GRIN2A: variants seen among roughly 807,000 people sequenced by gnomAD.
GRIN2A encodes glutamate ionotropic receptor NMDA type subunit 2A.
In GRIN2A, 22 loss-of-function variants were observed where a neutral mutation model predicts 113.4. The ratio of observed to expected loss-of-function variants is 0.19; its 90% CI spans 0.14 to 0.28. GRIN2A has a LOEUF of 0.28. Among genes scored for constraint, GRIN2A ranks in the 10% least tolerant of loss-of-function variants. The pLI is 1.00. For synonymous variants in GRIN2A, 827 were observed against 738.4 expected, an observed-to-expected ratio of 1.12 and a Z score of -1.94; for missense variants, 1,502 against 1,887.0, an observed-to-expected ratio of 0.80 and a Z score of 3.78.
intron 7 of GRIN2A, among the ~76,000 whole-genome samples, chr16:9,835,449 T>C (rs2141328938): frequency 6.6e-6 from 1 of 152,244 alleles, no homozygotes; most frequent in Admixed American, 6.5e-5. Flanking sequence ...TTCAACTTGA[T>C]TGAGGATATG....
intron 2 of GRIN2A, among the ~76,000 whole-genome samples, chr16:9,950,485 G>C (rs1188602590): frequency 6.6e-6 from 1 of 152,114 alleles, no homozygotes; most frequent in Non-Finnish European, 1.5e-5. Context: ...ACATCTTATT[G>C]CTCCTTCTAG....
At chr16:9,894,291 G>C (rs912330755) in intron 3 of GRIN2A, among the ~76,000 whole-genome samples, 1 of 152,194 alleles carries the variant, frequency 6.6e-6, no homozygotes, top group Non-Finnish European at 1.5e-5. Context: ...GTTTGGATTT[G>C]TTCAGAAGGT....
At chr16:9,780,354 C>T (rs1901868602) in intron 11 of GRIN2A, among the ~76,000 whole-genome samples, 1 of 152,030 alleles carries the variant, frequency 6.6e-6, no homozygotes, top group Admixed American at 6.6e-5. Context: ...TGCCCATCAG[C>T]AGCAAAATGG....
intron 3 of GRIN2A, among the ~76,000 whole-genome samples, chr16:9,900,978 T>C (rs962264163): frequency 6.6e-6 from 1 of 152,252 alleles, no homozygotes; most frequent in Non-Finnish European, 1.5e-5. Flanking sequence ...CAGATGTGCG[T>C]GCATGTTGCT....
At chr16:9,904,692 C>T (rs780943042) in intron 3 of GRIN2A, among the ~76,000 whole-genome samples, 33 of 152,254 alleles carry the variant, frequency 2.2e-4, no homozygotes, top group Non-Finnish European at 4.1e-4. Context: ...TTTATAAGGG[C>T]ATTAGTTCCA....
rs1417107326 is a variant in GRIN2A, at chr16:9,937,947, G to A, written c.1007+12C>T. The A allele has an allele frequency of 6.3e-7, 1 of 1,590,332 alleles. No individual in the cohort carries two copies. Among genetic ancestry groups the A allele is most frequent in the Non-Finnish European group, 8.6e-7 (1 of 1,158,780 alleles). ...CTGATCCCACTTTGGGAGACAACAAGCCCTTTCTTACGGGTGCAAGGTGTG... is the reference window on the plus strand; with the variant it reads ...CTGATCCCACTTTGGGAGACAACAAACCCTTTCTTACGGGTGCAAGGTGTG... On this transcript the variant is annotated intron_variant, in intron 3 of 12. Coordinates refer to ENST00000330684, the MANE Select transcript of GRIN2A (RefSeq NM_001134407.3).
intron 10 of GRIN2A, among the ~76,000 whole-genome samples, chr16:9,811,361 C>T (rs1428238418): frequency 6.6e-6 from 1 of 152,196 alleles, no homozygotes; most frequent in East Asian, 1.9e-4. Context: ...GCCTGAACTT[C>T]AGTGTCCTCC....
Position 9,764,052 on chromosome 16 carries a change from C to T in GRIN2A, c.3492G>A (p.Thr1164=), listed in dbSNP as rs1330743809. 4 of 1,613,794 alleles carry T rather than the reference C, an allele frequency of 2.5e-6. No homozygotes were observed. The highest frequency in any genetic ancestry group is 1.1e-5 in the South Asian group (1 of 91,078). The change falls in exon 13 of 13, where the codon ACG becomes ACA. Residue 1164 remains threonine, a synonymous_variant. Coordinates refer to ENST00000330684, the MANE Select transcript of GRIN2A (RefSeq NM_001134407.3). Reference sequence around the variant, plus strand: ...GCAAGGGGTTCCGGTTCATTGGCAGCGTGGAGTCCCCCTTGCGGAAGTTTT... The same window carrying T: ...GCAAGGGGTTCCGGTTCATTGGCAGTGTGGAGTCCCCCTTGCGGAAGTTTT... ...PSENFRKGDS[T]LPMNRNPLHN... is the part of the protein sequence containing the mutation.
chr16:10,059,605 A>G (rs965640913), intron 2 of GRIN2A, among the ~76,000 whole-genome samples: 3 of 152,120 alleles, frequency 2.0e-5, no homozygotes, highest in Admixed American at 2.0e-4. Context: ...TTTAGAAAGG[A>G]GCCCATGCCT....
intron 2 of GRIN2A, among the ~76,000 whole-genome samples, chr16:10,038,983 CT>C (rs1374264716): frequency 5.9e-5 from 9 of 152,172 alleles, no homozygotes; most frequent in African/African-American, 2.2e-4. Context: ...AGGAAGCCCC[CT>C]GGCCCCCTCA....
chr16:9,930,224 G>A (rs1262270154), intron 3 of GRIN2A, among the ~76,000 whole-genome samples: 2 of 152,134 alleles, frequency 1.3e-5, no homozygotes, highest in African/African-American at 4.8e-5. Flanking sequence ...ATTAACACCT[G>A]TAGAGTGCCG....
chr16:9,898,775 T>G lies in GRIN2A; in HGVS notation c.1008-7675A>C, dbSNP rs529750308. Among the ~76,000 whole-genome samples, 6 of 150,734 alleles carry G rather than the reference T, an allele frequency of 4.0e-5. No homozygotes were observed. The South Asian group carries it at 1.3e-3, about 31-fold the overall frequency. On this transcript the variant is annotated intron_variant, in intron 3 of 12. Transcript: ENST00000330684. ...CCTCTTTTCAATTCTCAAGATACTT[T>G]CATTTTCACAGAGTGTTTTTTTTTT... is the stretch of plus-strand genomic sequence containing the variant.
At chr16:9,830,441 C>G (rs1190174473) in intron 8 of GRIN2A, among the ~76,000 whole-genome samples, 2 of 136,154 alleles carry the variant, frequency 1.5e-5, no homozygotes, top group African/African-American at 2.8e-5. Context: ...GGCTGTAAAA[C>G]ACACATATTA....
At chr16:9,781,170 A>T (rs753993674) in intron 11 of GRIN2A, among the ~76,000 whole-genome samples, 2 of 152,170 alleles carry the variant, frequency 1.3e-5, no homozygotes, top group Admixed American at 6.5e-5. Context: ...AAAACATGTA[A>T]TGGGCCATAA....
chr16:10,104,710 C>G (rs4533282), intron 2 of GRIN2A, among the ~76,000 whole-genome samples: 61,557 of 151,918 alleles, frequency 0.41, 12,633 homozygotes, highest in East Asian at 0.46. Context: ...AAGTGCAAAG[C>G]ATACCGAAAA....
intron 2 of GRIN2A, among the ~76,000 whole-genome samples, chr16:10,029,663 C>G (rs915625041): frequency 2.0e-5 from 3 of 152,168 alleles, no homozygotes; most frequent in African/African-American, 7.2e-5. Context: ...CTTATTCATG[C>G]AGGGGCTTCT....
rs535703451 is a variant in GRIN2A, at chr16:9,896,554, T to C, written c.1008-5454A>G. On this transcript the variant is annotated intron_variant, in intron 3 of 12. Coordinates refer to ENST00000330684, the MANE Select transcript of GRIN2A (RefSeq NM_001134407.3). Reference sequence around the variant, plus strand: ...TCTTCAGATTATATGAAAATAACTATGCAGAAATCCTCATGCTTCAGATTT... The same window carrying C: ...TCTTCAGATTATATGAAAATAACTACGCAGAAATCCTCATGCTTCAGATTT... Among the ~76,000 whole-genome samples, 189 of 152,354 alleles carry C rather than the reference T, an allele frequency of 1.2e-3. 1 individual carries two copies. Among genetic ancestry groups the C allele is most frequent in the South Asian group, 3.1e-3 (15 of 4,830 alleles).
At chr16:9,852,293 C>A (rs2042897715) in intron 4 of GRIN2A, among the ~76,000 whole-genome samples, 1 of 152,172 alleles carries the variant, frequency 6.6e-6, no homozygotes, top group South Asian at 2.1e-4. Flanking sequence ...AATTGAGCTA[C>A]AGTAACCACG....
At chr16:10,039,340 G>A (rs1383202500) in intron 2 of GRIN2A, among the ~76,000 whole-genome samples, 3 of 152,216 alleles carry the variant, frequency 2.0e-5, no homozygotes, top group Non-Finnish European at 4.4e-5. Flanking sequence ...GGGATGAACT[G>A]CACTCCAAAC....
Sources: gnomAD v4.1 joint callset for allele counts (sites outside exome capture counted in the v4.1 genomes callset) on GRCh38, gnomAD v4.1.1 for gene constraint, MANE v1.5 for transcripts, NCBI Gene and HGNC (gene_info 2026-07-23, HGNC 2026-07-21) for gene names.